The following NAV2 variants were observed in gnomAD, a reference collection of about 807,000 sequenced individuals.
The protein encoded by NAV2 is neuron navigator 2.
NAV2 carries 54 observed loss-of-function variants against 223.2 expected under a neutral mutation model. The ratio of observed to expected loss-of-function variants is 0.24; its 90% CI spans 0.19 to 0.30. NAV2 has a LOEUF of 0.30. NAV2 is among the 10% of genes least tolerant of loss of function. The pLI is 1.00. For missense variants in NAV2, 2,806 were observed against 3,147.5 expected (o/e 0.89, Z 2.60); for synonymous variants, 1,279 against 1,239.3 (o/e 1.03, Z -0.67).
rs539168405 is a variant in NAV2, at chr11:20,118,138, C to T, written c.7170C>T (p.Asn2390=). 5.0e-6 allele frequency: 8 copies of T among 1,611,016 alleles called. No homozygotes were observed. In the East Asian group the frequency reaches 6.7e-5, roughly 14 times the overall value. Residue 2390 remains asparagine, a synonymous_variant, in exon 38 of 38, where the codon AAC becomes AAT. Coordinates refer to ENST00000349880, the MANE Select transcript of NAV2 (RefSeq NM_145117.5). ...CTTCTCCACTCTTCCCCTAGATGAA[C>T]ATGCTGATGAGGCTGCAGGAGGCAG... ...PSDAEGDPLM[N]MLMRLQEAAN...
At chr11:19,393,548 A>G (rs1026331506) in intron 1 of NAV2, among the ~76,000 whole-genome samples, 30 of 152,238 alleles carry the variant, frequency 2.0e-4, no homozygotes, top group African/African-American at 7.0e-4. Context: ...ATGAAATTAT[A>G]TGTGTGACAA....
chr11:19,460,226 A>G (rs2632043), intron 1 of NAV2, among the ~76,000 whole-genome samples: 2,909 of 152,320 alleles, frequency 0.019, 93 homozygotes, highest in African/African-American at 0.067. Flanking sequence ...ACCTGATTCC[A>G]CTGAAGAGTT....
chr11:20,088,987 C>T (rs1002888163), intron 26 of NAV2, among the ~76,000 whole-genome samples: 1 of 151,816 alleles, frequency 6.6e-6, no homozygotes, highest in African/African-American at 2.4e-5. Context: ...CAAGCTCCTC[C>T]TGCAAACCTC....
intron 11 of NAV2, among the ~76,000 whole-genome samples, chr11:20,020,072 G>C (rs955649631): frequency 6.6e-6 from 1 of 152,128 alleles, no homozygotes; most frequent in Non-Finnish European, 1.5e-5. Context: ...AGCCAGGAAA[G>C]AGGGTTGAAT....
chr11:19,682,010 A>G (rs1043272461), intron 1 of NAV2, among the ~76,000 whole-genome samples: 1 of 152,164 alleles, frequency 6.6e-6, no homozygotes, highest in African/African-American at 2.4e-5. Context: ...AGCAGCTGAG[A>G]GAGAGCAAGC....
At chr11:19,589,841 C>A (rs2135128833) in intron 1 of NAV2, among the ~76,000 whole-genome samples, 1 of 152,270 alleles carries the variant, frequency 6.6e-6, no homozygotes. Context: ...CCAGAAGGCA[C>A]ACTGTAGGGT....
chr11:20,027,159 A>T (rs1380460754), intron 11 of NAV2: 1 of 626,348 alleles, frequency 1.6e-6, no homozygotes, highest in African/African-American at 2.0e-5. Context: ...GCTCCCGAGA[A>T]AACCTCCTGG....
chr11:19,649,111 C>T (rs560141394), intron 1 of NAV2, among the ~76,000 whole-genome samples: 4 of 152,236 alleles, frequency 2.6e-5, no homozygotes, highest in South Asian at 2.1e-4. Flanking sequence ...TTAGGCTAAT[C>T]GTAGTGTTTC....
At chr11:19,595,300 G>T (rs2135184212) in intron 1 of NAV2, among the ~76,000 whole-genome samples, 1 of 152,306 alleles carries the variant, frequency 6.6e-6, no homozygotes, top group South Asian at 2.1e-4. Flanking sequence ...GACTCAGGAA[G>T]GCATTGGCAC....
At chr11:20,021,244 C>G (rs866667927) in intron 11 of NAV2, among the ~76,000 whole-genome samples, 1 of 152,142 alleles carries the variant, frequency 6.6e-6, no homozygotes, top group African/African-American at 2.4e-5. Context: ...GATTTTTGGT[C>G]TATTTTGTTG....
intron 36 of NAV2, 107 bp from the exon 37 acceptor site, chr11:20,114,485 G>T (rs1016562323): frequency 6.3e-6 from 6 of 953,802 alleles, no homozygotes; most frequent in African/African-American, 4.8e-5. Flanking sequence ...ACTCCATCAG[G>T]GAAGGCATGA....
At chr11:19,827,736 T>A (rs2059712364) in intron 1 of NAV2, among the ~76,000 whole-genome samples, 1 of 152,202 alleles carries the variant, frequency 6.6e-6, no homozygotes, top group Non-Finnish European at 1.5e-5. Flanking sequence ...AAAATTGTTT[T>A]AAGAAGTTTA....
intron 11 of NAV2, among the ~76,000 whole-genome samples, chr11:19,996,327 A>G (rs2051879678): frequency 6.6e-6 from 1 of 152,188 alleles, no homozygotes; most frequent in African/African-American, 2.4e-5. Context: ...GCACCAACTG[A>G]GGTGCTTGCA....
intron 1 of NAV2, among the ~76,000 whole-genome samples, chr11:19,815,370 T>A (rs1035879644): frequency 1.3e-5 from 2 of 152,218 alleles, no homozygotes; most frequent in African/African-American, 4.8e-5. Context: ...TCATTATTAT[T>A]TTTAACTCCT....
At chr11:19,923,421 C>G (rs1283213450) in intron 6 of NAV2, among the ~76,000 whole-genome samples, 1 of 152,090 alleles carries the variant, frequency 6.6e-6, no homozygotes, top group African/African-American at 2.4e-5. Context: ...CTATTTAGAC[C>G]TCCATTTTCC....
intron 11 of NAV2, among the ~76,000 whole-genome samples, chr11:19,986,049 A>G (rs2403549): frequency 0.7 from 105,795 of 152,012 alleles, 37,716 homozygotes; most frequent in Middle Eastern, 0.83. Flanking sequence ...AAATCTATCC[A>G]CATAAAATAC....
At chr11:19,798,379 T>A (rs529371457) in intron 1 of NAV2, among the ~76,000 whole-genome samples, 4 of 152,328 alleles carry the variant, frequency 2.6e-5, no homozygotes, top group African/African-American at 9.6e-5. Context: ...CTTATCTAGA[T>A]GACATTTGGA....
intron 1 of NAV2, among the ~76,000 whole-genome samples, chr11:19,750,884 G>A (rs2152498201): frequency 6.6e-6 from 1 of 152,244 alleles, no homozygotes; most frequent in South Asian, 2.1e-4. Flanking sequence ...TATACACTGT[G>A]CTAAGTGCTT....
At chr11:19,650,066 T>A (rs2047925768) in intron 1 of NAV2, among the ~76,000 whole-genome samples, 1 of 152,232 alleles carries the variant, frequency 6.6e-6, no homozygotes, top group Non-Finnish European at 1.5e-5. Flanking sequence ...ATGTTATGGG[T>A]TGACTTGTCT....
Sources: allele counts gnomAD v4.1 joint callset (sites outside exome capture counted in the v4.1 genomes callset), GRCh38; gene constraint gnomAD v4.1.1; transcripts MANE v1.5; gene names NCBI Gene and HGNC (gene_info 2026-07-23, HGNC 2026-07-21).